Variants in COX7B2 observed in about 807,000 individuals in gnomAD.
COX7B2 encodes the protein cytochrome c oxidase subunit 7B2, mitochondrial.
For synonymous variants in COX7B2, 37 were observed against 32.1 expected, an observed-to-expected ratio of 1.15 and a Z score of -0.51; for missense variants, 109 against 95.9, an observed-to-expected ratio of 1.14 and a Z score of -0.57.
At chr4:46,760,397 G>A (rs1441280379) in intron 2 of COX7B2, among the ~76,000 whole-genome samples, 1 of 152,188 alleles carries the variant, frequency 6.6e-6, no homozygotes, top group Non-Finnish European at 1.5e-5. Flanking sequence ...ATGAGTTCAT[G>A]TCCTTTGGAG....
intron 2 of COX7B2, among the ~76,000 whole-genome samples, chr4:46,777,043 G>A (rs1048775133): frequency 6.6e-6 from 1 of 152,126 alleles, no homozygotes; most frequent in African/African-American, 2.4e-5. Context: ...TGCTAAAGAT[G>A]CAGATTAAAC....
chr4:46,907,151 G>A (rs1720440657), intron 1 of COX7B2, among the ~76,000 whole-genome samples: 1 of 152,064 alleles, frequency 6.6e-6, no homozygotes, highest in Admixed American at 6.6e-5. Flanking sequence ...TCTCAATCAA[G>A]TAACAACTAA....
intron 1 of COX7B2, among the ~76,000 whole-genome samples, chr4:46,856,682 G>T (rs531524253): frequency 6.6e-6 from 1 of 152,216 alleles, no homozygotes; most frequent in South Asian, 2.1e-4. Context: ...CTCAGAAAAG[G>T]GTGAAATTAA....
At chr4:46,781,749 G>T (rs1283063571) in intron 2 of COX7B2, among the ~76,000 whole-genome samples, 1 of 152,242 alleles carries the variant, frequency 6.6e-6, no homozygotes, top group African/African-American at 2.4e-5. Flanking sequence ...GGTGGGCGCA[G>T]GCTCAGCAGG....
intron 1 of COX7B2, among the ~76,000 whole-genome samples, chr4:46,870,955 A>G (rs1717953452): frequency 1.3e-5 from 2 of 152,138 alleles, no homozygotes; most frequent in African/African-American, 4.8e-5. Flanking sequence ...CAAACTATCA[A>G]TGACATTCTT....
intron 2 of COX7B2, among the ~76,000 whole-genome samples, chr4:46,778,639 A>C (rs1705344648): frequency 6.6e-6 from 1 of 152,192 alleles, no homozygotes; most frequent in Admixed American, 6.5e-5. Context: ...TGAAGCATAT[A>C]GAATCAGTAG....
intron 2 of COX7B2, among the ~76,000 whole-genome samples, chr4:46,740,146 G>T (rs74596648): frequency 1.0e-3 from 157 of 151,992 alleles, no homozygotes; most frequent in African/African-American, 3.5e-3. Flanking sequence ...TTTGCCCTGG[G>T]TTAATGCAAA....
chr4:46,842,300 G>A (rs1230931082), intron 2 of COX7B2, among the ~76,000 whole-genome samples: 1 of 151,822 alleles, frequency 6.6e-6, no homozygotes, highest in Non-Finnish European at 1.5e-5. Context: ...GTGCAGTGGG[G>A]GATTATTTGA....
chr4:46,861,118 T>C (rs908809592), intron 1 of COX7B2, among the ~76,000 whole-genome samples: 1 of 152,160 alleles, frequency 6.6e-6, no homozygotes, highest in Admixed American at 6.5e-5. Flanking sequence ...CTTCTACGAG[T>C]GTGGTGGGTT....
At chr4:46,757,355 G>T (rs1715863630) in intron 2 of COX7B2, among the ~76,000 whole-genome samples, 1 of 151,924 alleles carries the variant, frequency 6.6e-6, no homozygotes, top group South Asian at 2.1e-4. Flanking sequence ...CTACCTACTG[G>T]TTACAATGTT....
intron 2 of COX7B2, among the ~76,000 whole-genome samples, chr4:46,794,569 C>T (rs1718223611): frequency 6.6e-6 from 1 of 152,038 alleles, no homozygotes; most frequent in African/African-American, 2.4e-5. Flanking sequence ...CCTTAAAGAG[C>T]TCTGTAATTG....
intron 2 of COX7B2, among the ~76,000 whole-genome samples, chr4:46,751,926 TTAAAG>T (rs1016432854): frequency 1.3e-5 from 2 of 152,146 alleles, no homozygotes; most frequent in Non-Finnish European, 2.9e-5. Context: ...CATATGAACT[TTAAAG>T]TAGTTTTTTC....
In COX7B2 at chr4:46,841,864, C is replaced by CA. The variant is rs1156260284; in HGVS notation, c.-50+3095dup. Among the ~76,000 whole-genome samples, 5 of 151,802 alleles carry CA rather than the reference C, an allele frequency of 3.3e-5. No homozygotes were observed. In the East Asian group the frequency reaches 9.7e-4, roughly 29 times the overall value. ...TACAGGAAATCTGGTATATAAAAAT[C>CA]AAAAAATAATTCTTAACCCATAAAG... is the stretch of plus-strand genomic sequence containing the variant. On this transcript the variant is annotated intron_variant, in intron 2 of 2. Transcript: ENST00000355591.
rs553612384 is a variant in COX7B2, at chr4:46,782,548, C to A, written c.-49-47307G>T. Among the ~76,000 whole-genome samples the A allele has an allele frequency of 2.0e-5, 3 of 152,276 alleles. No individual in the cohort carries two copies. The South Asian group carries it at 6.2e-4, about 32-fold the overall frequency. ...GGTCCCATAAGAGAATAAAAGCAGGCTGCCCAAGCGAGCAGCAGCAACCCA... is the reference window on the plus strand; with the variant it reads ...GGTCCCATAAGAGAATAAAAGCAGGATGCCCAAGCGAGCAGCAGCAACCCA... On this transcript the variant is annotated intron_variant, in intron 2 of 2. Transcript: ENST00000355591.
At chr4:46,847,052 A>T (rs577735101) in intron 1 of COX7B2, among the ~76,000 whole-genome samples, 1 of 152,040 alleles carries the variant, frequency 6.6e-6, no homozygotes, top group South Asian at 2.1e-4. Context: ...AGGACGATCA[A>T]ATTTAACACC....
chr4:46,871,144 C>A (rs1717964852), intron 1 of COX7B2, among the ~76,000 whole-genome samples: 1 of 151,910 alleles, frequency 6.6e-6, no homozygotes, highest in Non-Finnish European at 1.5e-5. Flanking sequence ...CAAAAACAGA[C>A]ACATAGACCA....
intron 2 of COX7B2, among the ~76,000 whole-genome samples, chr4:46,804,936 G>A (rs578083085): frequency 2.0e-5 from 3 of 152,342 alleles, no homozygotes; most frequent in Admixed American, 6.5e-5. Flanking sequence ...AGGGTAGGGG[G>A]GGCGGTGCTC....
intron 2 of COX7B2, among the ~76,000 whole-genome samples, chr4:46,748,584 A>G (rs1715163855): frequency 6.6e-6 from 1 of 152,136 alleles, no homozygotes; most frequent in Admixed American, 6.5e-5. Flanking sequence ...CCCTAATTCT[A>G]TATCAATAGG....
At chr4:46,795,651 T>A (rs1190251764) in intron 2 of COX7B2, among the ~76,000 whole-genome samples, 8 of 36,130 alleles carry the variant, frequency 2.2e-4, no homozygotes, top group African/African-American at 1.0e-3. Flanking sequence ...CCAGCTTTGT[T>A]CTTTTGGCTT....
Sources: allele counts gnomAD v4.1 joint callset (sites outside exome capture counted in the v4.1 genomes callset), GRCh38; gene constraint gnomAD v4.1.1; transcripts MANE v1.5; gene names NCBI Gene and HGNC (gene_info 2026-07-23, HGNC 2026-07-21).